Variants in SPNS2 observed in about 807,000 individuals in gnomAD.
The protein encoded by SPNS2 is SPNS lysolipid transporter 2, sphingosine-1-phosphate, also known as sphingosine-1-phosphate transporter SPNS2.
A neutral mutation model predicts 57.6 loss-of-function variants in SPNS2; 37 were observed. The ratio of observed to expected loss-of-function variants is 0.64; its 90% CI spans 0.49 to 0.85. SPNS2 has a LOEUF of 0.85. Among genes scored for constraint, SPNS2 ranks in the 40% least tolerant of loss-of-function variants. SPNS2 has a pLI of 0.00. For synonymous variants in SPNS2, 440 were observed against 346.9 expected, an observed-to-expected ratio of 1.27 and a Z score of -2.98; for missense variants, 831 against 779.1, an observed-to-expected ratio of 1.07 and a Z score of -0.79.
chr17:4,532,877 A>C, intron 6 of SPNS2, 100 bp from the exon 7 acceptor site: 1 of 1,505,392 alleles, frequency 6.6e-7, no homozygotes, highest in Non-Finnish European at 8.9e-7. Context: ...AGCCTGTAAG[A>C]CGAGGCATTT....
rs958010568 is a variant in SPNS2 at position 4,512,636 on chromosome 17, G to A, written c.371-611G>A. 6.6e-6 allele frequency among the ~76,000 whole-genome samples: 1 copy of A among 151,260 alleles called. No homozygotes were observed. Among genetic ancestry groups the A allele is most frequent in the African/African-American group, 2.5e-5 (1 of 40,638 alleles). On this transcript the variant is annotated intron_variant, in intron 1 of 12. Transcript: ENST00000329078. This position sits in a 1 kb window ranked among gnomAD's most constrained non-coding sequence, Gnocchi z 5.2. ...CTGAGGGCAGCTGGGGTGACAGTGT[G>A]TGTGTGTGCGTGCGCGCGCACGGGT...
rs569324524 is a variant in SPNS2 at position 4,528,942 on chromosome 17, C to CTT, written c.574-1679_574-1678dup. Among the ~76,000 whole-genome samples the CTT allele has an allele frequency of 4.5e-4, 65 of 144,170 alleles. 1 individual carries two copies. In the East Asian group the frequency reaches 8.8e-3, roughly 19 times the overall value. The allele number at this position is 144,170 out of a possible 152,430, so 94.6% of individuals were successfully genotyped here. ...ATGATCCCGCTAATTTTTATCTTTT[C>CTT]TTTTTTTTTTTTGAAATGGAGTCTT... On this transcript the variant is annotated intron_variant, in intron 3 of 12. Coordinates refer to ENST00000329078, the MANE Select transcript of SPNS2 (RefSeq NM_001124758.3).
intron 2 of SPNS2, among the ~76,000 whole-genome samples, chr17:4,514,390 G>A (rs566870399): frequency 2.0e-5 from 3 of 152,238 alleles, no homozygotes; most frequent in South Asian, 2.1e-4. Context: ...GAGTGAGCTC[G>A]TTCTGTCCAG....
chr17:4,513,163 G>A lies in SPNS2; in HGVS notation c.371-84G>A, dbSNP rs1597361116. On this transcript the variant is annotated intron_variant, in intron 1 of 12. Transcript: ENST00000329078. The stretch of plus-strand genomic sequence containing the variant: ...CGCAGATATGGCCAGGCTGGGCCCT[G>A]CAAGGCGGGAAAGAGGCTGGGCTGG... 3.4e-6 allele frequency: 5 copies of A among 1,487,578 alleles called. No homozygotes were observed. In the East Asian group the frequency reaches 1.1e-4, roughly 34 times the overall value. 92.1% of individuals were successfully genotyped at this position (1,487,578 alleles called of 1,614,324 possible).
Position 4,512,942 on chromosome 17 carries a change from G to A in SPNS2, c.371-305G>A, listed in dbSNP as rs1264719987. Among the ~76,000 whole-genome samples the A allele has an allele frequency of 6.6e-6, 1 of 152,226 alleles. No homozygotes were observed. Among genetic ancestry groups the A allele is most frequent in the African/African-American group, 2.4e-5 (1 of 41,472 alleles). ...TGATCCACGGCCTGGGCCGCAGGTA[G>A]GGAAGAGGCCCAAGCTGGCAGATAG... On this transcript the variant is annotated intron_variant, in intron 1 of 12. Transcript: ENST00000329078. This position sits in a 1 kb window ranked among gnomAD's most constrained non-coding sequence, Gnocchi z 5.2.
chr17:4,530,052 C>A (rs567882223), intron 3 of SPNS2, among the ~76,000 whole-genome samples: 1 of 152,180 alleles, frequency 6.6e-6, no homozygotes, highest in East Asian at 1.9e-4. Flanking sequence ...GGTCATGCTA[C>A]CAGCAGCTGG....
At chr17:4,513,821 G>A (rs59076770) in intron 2 of SPNS2, among the ~76,000 whole-genome samples, 9,428 of 152,308 alleles carry the variant, frequency 0.062, 872 homozygotes, top group African/African-American at 0.2. Context: ...TCCCAAGCCC[G>A]GGGCAGGCGC....
At chr17:4,523,736 T>C (rs1207356461) in intron 2 of SPNS2, among the ~76,000 whole-genome samples, 3 of 152,118 alleles carry the variant, frequency 2.0e-5, no homozygotes, top group Non-Finnish European at 2.9e-5. Flanking sequence ...AGTGAGACTG[T>C]TGTCTCAAAA....
chr17:4,536,939 C>T lies in SPNS2; in HGVS notation c.1647C>T (p.Val549=), dbSNP rs767459076. ...CGATGCCGCCCGCATCTGTGAAAGTCTGAGGTGGTGAGTGCAGGCCGGGAG... is the reference window on the plus strand; with the variant it reads ...CGATGCCGCCCGCATCTGTGAAAGTTTGAGGTGGTGAGTGCAGGCCGGGAG... ...QLAMPPASVK[V] Residue 549 remains valine, a synonymous_variant, in exon 12 of 13, where the codon GTC becomes GTT. Transcript: ENST00000329078. The T allele has an allele frequency of 1.2e-6, 2 of 1,613,452 alleles. No individual in the cohort carries two copies. Among genetic ancestry groups the T allele is most frequent in the East Asian group, 2.2e-5 (1 of 44,874 alleles).
chr17:4,536,232 T>A (rs1481165038), intron 10 of SPNS2, 31 bp from the exon 11 acceptor site: 1 of 1,609,512 alleles, frequency 6.2e-7, no homozygotes. Context: ...AGGAGGGCTC[T>A]GCCCTGACAT....
At chr17:4,533,931 G>A in intron 9 of SPNS2, 78 bp downstream of exon 9, 1 of 1,224,290 alleles carries the variant, frequency 8.2e-7, no homozygotes, top group Non-Finnish European at 1.2e-6. Context: ...GGGGAGGGCG[G>A]GTGAAGGGGC....
Position 4,537,513 on chromosome 17 carries a change from T to C in SPNS2, c.*65T>C. ...CTCGTCTGGGAGGTGTCCTACAGCG[T>C]CCGGGACCGGCTGGGCTGCCCCAAA... On this transcript the variant is annotated 3_prime_UTR_variant, in exon 13 of 13. Coordinates refer to ENST00000329078, the MANE Select transcript of SPNS2 (RefSeq NM_001124758.3). 4.4e-6 allele frequency: 2 copies of C among 456,856 alleles called. No individual in the cohort carries two copies. The highest frequency in any genetic ancestry group is 3.1e-5 in the South Asian group (2 of 64,578). The allele number at this position is 456,856 out of a possible 1,614,324, so 28.3% of individuals were successfully genotyped here.
chr17:4,518,944 G>A (rs1905068554), intron 2 of SPNS2, among the ~76,000 whole-genome samples: 1 of 152,196 alleles, frequency 6.6e-6, no homozygotes, highest in African/African-American at 2.4e-5. Context: ...TCCTGAGTAG[G>A]GGATCACAGA....
At chr17:4,534,147 G>A (rs970931804) in intron 9 of SPNS2, among the ~76,000 whole-genome samples, 1 of 152,188 alleles carries the variant, frequency 6.6e-6, no homozygotes, top group Non-Finnish European at 1.5e-5. Flanking sequence ...CTGGCACTGA[G>A]GTGGCGCTGC....
At chr17:4,537,070 CTT>C (rs953568369) in intron 12 of SPNS2, 124 bp downstream of exon 12, 6 of 1,074,582 alleles carry the variant, frequency 5.6e-6, no homozygotes, top group Non-Finnish European at 8.2e-6. Flanking sequence ...CAACTCTGGG[CTT>C]TGTCTCTGAA....
chr17:4,509,707 G>C (rs974501779), intron 1 of SPNS2, among the ~76,000 whole-genome samples: 13 of 152,246 alleles, frequency 8.5e-5, no homozygotes, highest in African/African-American at 3.1e-4. Flanking sequence ...GACCTCCTGG[G>C]GCTTGGGAGG....
Position 4,536,828 on chromosome 17 carries a change from A to G in SPNS2, c.1608-72A>G, listed in dbSNP as rs1286537495. 5 of 1,293,562 alleles carry G rather than the reference A, an allele frequency of 3.9e-6. No homozygotes were observed. The East Asian group carries it at 7.0e-5, about 18-fold the overall frequency. 80.1% of individuals were successfully genotyped at this position (1,293,562 alleles called of 1,614,324 possible). ...CCGGTCAGCTGGCCCCCACGACACG[A>G]TGTGCCAGAGCAGTGCCCGGGCCCG... On this transcript the variant is annotated intron_variant, in intron 11 of 12. Coordinates refer to ENST00000329078, the MANE Select transcript of SPNS2 (RefSeq NM_001124758.3).
At chr17:4,534,143 C>CGCG in intron 9 of SPNS2, among the ~76,000 whole-genome samples, 2 of 152,140 alleles carry the variant, frequency 1.3e-5, no homozygotes, top group African/African-American at 4.8e-5. Flanking sequence ...CAGGCTGGCA[C>CGCG]TGAGGTGGCG....
intron 2 of SPNS2, among the ~76,000 whole-genome samples, chr17:4,516,052 G>T (rs1244068180): frequency 6.6e-6 from 1 of 152,158 alleles, no homozygotes; most frequent in African/African-American, 2.4e-5. Flanking sequence ...TATGGCTTAC[G>T]CCTATAATCC....
Sources: allele counts gnomAD v4.1 joint callset (sites outside exome capture counted in the v4.1 genomes callset), GRCh38; gene constraint gnomAD v4.1.1; non-coding constraint Gnocchi (gnomAD v3.1); transcripts MANE v1.5; gene names NCBI Gene and HGNC (gene_info 2026-07-23, HGNC 2026-07-21).